Variants in LAMA3 observed in about 807,000 individuals in gnomAD.
The protein encoded by LAMA3 is laminin subunit alpha-3.
A neutral mutation model predicts 402.0 loss-of-function variants in LAMA3; 281 were observed. The ratio of observed to expected loss-of-function variants is 0.70; its 90% confidence interval spans 0.63 to 0.77. LAMA3 has a LOEUF of 0.77. LAMA3 is among the 30% of genes least tolerant of loss of function. The probability of loss-of-function intolerance (pLI) is 0.00; values close to 1 mark genes in which losing one functional copy is unlikely to be tolerated. For missense variants in LAMA3, 3,840 were observed against 4,215.5 expected, an observed-to-expected ratio of 0.91 and a Z score of 2.47; for synonymous variants, 1,431 against 1,558.4, an observed-to-expected ratio of 0.92 and a Z score of 1.93.
rs145263331 is a variant in LAMA3, at chr18:23,780,733, G to A, written c.1468+3114G>A. ...GACAGGAAAGCATCTTGAGGAAGGG[G>A]CACCTTTTTCTAATTTGCACAAAGA... On this transcript the variant is annotated intron_variant, in intron 11 of 74. Coordinates refer to ENST00000313654, the MANE Select transcript of LAMA3 (RefSeq NM_198129.4). Among the ~76,000 whole-genome samples the A allele has an allele frequency of 1.7e-3, 263 of 152,242 alleles. 1 individual carries two copies. The highest frequency in any genetic ancestry group is 6.1e-3 in the African/African-American group (255 of 41,548).
At chr18:23,903,323 A>G (rs1015940669) in intron 49 of LAMA3, among the ~76,000 whole-genome samples, 198 bp downstream of exon 49, 5 of 152,224 alleles carry the variant, frequency 3.3e-5, no homozygotes, top group East Asian at 1.9e-4. Context: ...GTTCATATGT[A>G]TTACCTAATT....
In LAMA3 at chr18:23,881,999, G is replaced by C. The variant is rs770417802; in HGVS notation, c.5176G>C (p.Ala1726Pro). ...CTGCCAGGAGGGCTACTATGGCAAC[G>C]CCGTCCACGGATCCTGCAGGGCCTG... Reference protein sequence around the residue: ...ERCQEGYYGNAVHGSCRACPC... With the variant: ...ERCQEGYYGNPVHGSCRACPC... Residue 1726 changes from alanine to proline, a missense_variant, in exon 40 of 75, where the codon GCC becomes CCC. Transcript: ENST00000313654. 6.2e-7 allele frequency: 1 copy of C among 1,614,014 alleles called. No homozygotes were observed. The highest frequency in any genetic ancestry group is 1.3e-5 in the African/African-American group (1 of 75,052).
In LAMA3 at chr18:23,819,824, C is replaced by G; in HGVS notation, c.2148-17C>G. 2 of 1,612,530 alleles carry G rather than the reference C, an allele frequency of 1.2e-6. No homozygotes were observed. The highest frequency in any genetic ancestry group is 1.7e-6 in the Non-Finnish European group (2 of 1,178,634). ...GGACCTAACCTCCTGTATGTGTTTA[C>G]TTTTTAATTATGAAAGGCCTGAAAA... On this transcript the variant is annotated splice_polypyrimidine_tract_variant and intron_variant, in intron 18 of 74. Transcript: ENST00000313654.
At chr18:23,717,285 G>A (rs2145926562) in intron 2 of LAMA3, among the ~76,000 whole-genome samples, 1 of 152,276 alleles carries the variant, frequency 6.6e-6, no homozygotes, top group Admixed American at 6.5e-5. Context: ...ATAATTAATA[G>A]TAACATTAAG....
Position 23,901,224 on chromosome 18 carries a change from A to G in LAMA3, c.6102A>G (p.Lys2034=), listed in dbSNP as rs2145124323. Residue 2034 remains lysine, a synonymous_variant, in exon 48 of 75, where the codon AAA becomes AAG. Coordinates refer to ENST00000313654, the MANE Select transcript of LAMA3 (RefSeq NM_198129.4). Reference sequence around the variant, plus strand: ...ATTCTTTAAATGAATACGAAGCCAAACTCAGTGACCTTCGTGCTCGGCTGC... The same window carrying G: ...ATTCTTTAAATGAATACGAAGCCAAGCTCAGTGACCTTCGTGCTCGGCTGC... ...IRDSLNEYEA[K]LSDLRARLQE... The G allele has an allele frequency of 1.9e-6, 3 of 1,614,194 alleles. No individual in the cohort carries two copies. The highest frequency in any genetic ancestry group is 2.5e-6 in the Non-Finnish European group (3 of 1,180,004).
chr18:23,940,131 G>A (rs1427940645), intron 68 of LAMA3, among the ~76,000 whole-genome samples: 1 of 152,218 alleles, frequency 6.6e-6, no homozygotes, highest in African/African-American at 2.4e-5. Flanking sequence ...TTCATTGTGG[G>A]GAAGCCTGTG....
intron 2 of LAMA3, among the ~76,000 whole-genome samples, chr18:23,723,100 C>T (rs1433136365): frequency 1.3e-5 from 2 of 152,150 alleles, no homozygotes; most frequent in Non-Finnish European, 2.9e-5. Context: ...TGAGCTTAGG[C>T]TGCCTTATGT....
chr18:23,894,125 T>G (rs529090299), intron 42 of LAMA3, among the ~76,000 whole-genome samples, 173 bp from the exon 43 acceptor site: 1 of 151,744 alleles, frequency 6.6e-6, no homozygotes, highest in African/African-American at 2.4e-5. Flanking sequence ...TCTATTAGGT[T>G]GGTGCAAAAG....
At chr18:23,800,474 G>A (rs529322180) in intron 12 of LAMA3, among the ~76,000 whole-genome samples, 1 of 152,300 alleles carries the variant, frequency 6.6e-6, no homozygotes, top group East Asian at 1.9e-4. Flanking sequence ...GATACAGTGT[G>A]TAATGATCAA....
At chr18:23,838,430 G>A (rs575170134) in intron 25 of LAMA3, among the ~76,000 whole-genome samples, 2 of 152,140 alleles carry the variant, frequency 1.3e-5, no homozygotes, top group African/African-American at 2.4e-5. Flanking sequence ...TCCTCCCAAC[G>A]GGCCTGAAAA....
intron 6 of LAMA3, among the ~76,000 whole-genome samples, chr18:23,754,385 A>G (rs1049944804): frequency 1.3e-5 from 2 of 152,330 alleles, no homozygotes; most frequent in East Asian, 1.9e-4. Context: ...GGTACCTCAT[A>G]TAAGTGGAAT....
chr18:23,928,528 A>G, intron 63 of LAMA3, 97 bp from the exon 64 acceptor site: 1 of 1,169,892 alleles, frequency 8.5e-7, no homozygotes, highest in Non-Finnish European at 1.3e-6. Flanking sequence ...CATAAATCAC[A>G]TTAATCAGTT....
chr18:23,767,335 T>C (rs185967419), intron 8 of LAMA3, among the ~76,000 whole-genome samples: 130 of 152,300 alleles, frequency 8.5e-4, no homozygotes, highest in African/African-American at 3.0e-3. Context: ...TCTATCTATG[T>C]CATTTTTGAC....
chr18:23,943,801 G>A lies in LAMA3; in HGVS notation c.9040G>A (p.Val3014Met), dbSNP rs765984595. Residue 3014 changes from valine to methionine, a missense_variant, in exon 69 of 75, where the codon GTG becomes ATG. Transcript: ENST00000313654. The stretch of plus-strand genomic sequence containing the variant: ...TGTTCCCAACAGGTCACAGTTTGCT[G>A]TGGACATGCAGACAACATCCTCCAG... Reference protein sequence around the residue: ...ELLKPRSQFAVDMQTTSSRGL... With the variant: ...ELLKPRSQFAMDMQTTSSRGL... 1 of 1,613,966 alleles carries A rather than the reference G, an allele frequency of 6.2e-7. No homozygotes were observed. Among genetic ancestry groups the A allele is most frequent in the Non-Finnish European group, 8.5e-7 (1 of 1,179,832 alleles).
At chr18:23,897,049 G>T (rs886395303) in intron 44 of LAMA3, among the ~76,000 whole-genome samples, 1 of 152,156 alleles carries the variant, frequency 6.6e-6, no homozygotes, top group Admixed American at 6.6e-5. Flanking sequence ...TTTGCAGAAT[G>T]ACACCCAATA....
At chr18:23,751,701 G>T (rs1441153227) in intron 5 of LAMA3, among the ~76,000 whole-genome samples, 1 of 152,186 alleles carries the variant, frequency 6.6e-6, no homozygotes. Flanking sequence ...GAGGCACATA[G>T]GTATTGGTGA....
chr18:23,704,044 C>T (rs562694491), intron 1 of LAMA3, among the ~76,000 whole-genome samples: 13 of 152,278 alleles, frequency 8.5e-5, no homozygotes, highest in Middle Eastern at 3.4e-3. Context: ...CCATGGCCTC[C>T]GGAACCTTAG....
chr18:23,770,258 C>T (rs1005904958), intron 8 of LAMA3, among the ~76,000 whole-genome samples: 4 of 151,612 alleles, frequency 2.6e-5, no homozygotes, highest in African/African-American at 9.7e-5. Context: ...AACTTCTGCT[C>T]AAAACAAAAC....
chr18:23,898,512 T>C (rs1454441467), intron 44 of LAMA3: 1 of 571,548 alleles, frequency 1.7e-6, no homozygotes, highest in African/African-American at 1.9e-5. Context: ...AAGTAGCTCT[T>C]ATCTCTTCAC....
Sources: gnomAD v4.1 joint callset for allele counts (sites outside exome capture counted in the v4.1 genomes callset) on GRCh38, gnomAD v4.1.1 for gene constraint, MANE v1.5 for transcripts, NCBI Gene and HGNC (gene_info 2026-07-23, HGNC 2026-07-21) for gene names.